The following COL5A1 variants were observed in gnomAD, a reference collection of about 807,000 sequenced individuals.
COL5A1 encodes collagen type V alpha 1 chain.
Under a neutral mutation model 263.7 loss-of-function variants are expected in COL5A1, and 16 were observed. The observed-to-expected ratio is 0.06, with a 90% CI of 0.04 to 0.09. The LOEUF (loss-of-function observed/expected upper bound fraction) is 0.09, where lower values mean the gene tolerates loss of function less well. COL5A1 is among the 10% of genes least tolerant of loss of function. COL5A1 has a pLI of 1.00. For missense variants in COL5A1, 2,036 were observed against 2,540.5 expected, an observed-to-expected ratio of 0.80 and a Z score of 4.27; for synonymous variants, 1,012 against 1,004.5, an observed-to-expected ratio of 1.01 and a Z score of -0.14.
intron 57 of COL5A1, 152 bp from the exon 58 acceptor site, chr9:134,819,964 C>A: frequency 1.4e-6 from 1 of 726,708 alleles, no homozygotes; most frequent in South Asian, 1.5e-5. Context: ...GTCACCTGGC[C>A]CCTCTGTTGA....
chr9:134,703,714 T>C (rs1400500572), intron 4 of COL5A1, among the ~76,000 whole-genome samples: 4 of 134,700 alleles, frequency 3.0e-5, no homozygotes, highest in Admixed American at 2.6e-4. Flanking sequence ...CTCGGCTCAC[T>C]GCAAGCTCTG....
chr9:134,764,231 A>T (rs1223490183), intron 20 of COL5A1, among the ~76,000 whole-genome samples: 9 of 93,780 alleles, frequency 9.6e-5, no homozygotes, highest in African/African-American at 3.4e-4. Context: ...TAGGGGCAAC[A>T]TGGCAGGGTT....
At chr9:134,761,246 A>T (rs535946614) in intron 18 of COL5A1, among the ~76,000 whole-genome samples, 1 of 133,768 alleles carries the variant, frequency 7.5e-6, no homozygotes, top group Non-Finnish European at 1.6e-5. Flanking sequence ...ACCCCCACAC[A>T]CTCCACCCAC....
intron 1 of COL5A1, among the ~76,000 whole-genome samples, chr9:134,688,260 T>C (rs1164541427): frequency 6.6e-6 from 1 of 152,152 alleles, no homozygotes; most frequent in Non-Finnish European, 1.5e-5. Context: ...AGCCTGAGTC[T>C]GGGAAGAGCA....
chr9:134,703,492 A>G (rs998218370), intron 4 of COL5A1, among the ~76,000 whole-genome samples: 1 of 152,214 alleles, frequency 6.6e-6, no homozygotes, highest in Non-Finnish European at 1.5e-5. Flanking sequence ...CATTGGTCAC[A>G]GTAAGGCTAC....
intron 42 of COL5A1, among the ~76,000 whole-genome samples, chr9:134,808,689 CAT>C (rs1491189447): frequency 1.1e-4 from 17 of 152,232 alleles, no homozygotes; most frequent in African/African-American, 2.2e-4. Context: ...CATGTATGCA[CAT>C]GTGTGTGCGT....
At chr9:134,656,185 C>T (rs879694032) in intron 1 of COL5A1, among the ~76,000 whole-genome samples, 3 of 152,084 alleles carry the variant, frequency 2.0e-5, no homozygotes, top group Admixed American at 1.3e-4. Flanking sequence ...CTGGGGCCTG[C>T]GGCTCCTCGT....
At chr9:134,791,046 C>T (rs143376752) in intron 32 of COL5A1, among the ~76,000 whole-genome samples, 2,045 of 152,288 alleles carry the variant, frequency 0.013, 53 homozygotes, top group African/African-American at 0.041. Context: ...GCCTCCCCAC[C>T]GGCGAGCCGA....
intron 4 of COL5A1, chr9:134,709,010 C>T (rs1268938737): frequency 6.6e-6 from 3 of 453,782 alleles, no homozygotes; most frequent in African/African-American, 4.0e-5. Context: ...GGACATTTGT[C>T]GTTGGATTTA....
intron 4 of COL5A1, among the ~76,000 whole-genome samples, chr9:134,723,597 G>A (rs555691614): frequency 1.3e-5 from 2 of 152,326 alleles, no homozygotes; most frequent in East Asian, 3.9e-4. Context: ...GGAGGTGACA[G>A]AAATTTCCCT....
rs1836028576 is a variant in COL5A1, at chr9:134,757,599, G to A, written c.1882-644G>A. ...GTGAGGTGGCCTGGGGTGACAGGAGGAAACGCAGTCTTGTTGACTCTGTCT... is the reference window on the plus strand; with the variant it reads ...GTGAGGTGGCCTGGGGTGACAGGAGAAAACGCAGTCTTGTTGACTCTGTCT... On this transcript the variant is annotated intron_variant, in intron 17 of 65. Coordinates refer to ENST00000371817, the MANE Select transcript of COL5A1 (RefSeq NM_000093.5). This position sits in a 1 kb window ranked among gnomAD's most constrained non-coding sequence, Gnocchi z 6.2. 6.6e-6 allele frequency among the ~76,000 whole-genome samples: 1 copy of A among 152,180 alleles called. No homozygotes were observed. Among genetic ancestry groups the A allele is most frequent in the African/African-American group, 2.4e-5 (1 of 41,448 alleles).
chr9:134,817,001 A>G (rs752930624), intron 52 of COL5A1, 25 bp from the exon 53 acceptor site: 2 of 1,611,682 alleles, frequency 1.2e-6, no homozygotes, highest in South Asian at 2.2e-5. Flanking sequence ...AATTCCTCAC[A>G]CTCTGTTCTT....
At chr9:134,660,790 G>A (rs1202445755) in intron 1 of COL5A1, among the ~76,000 whole-genome samples, 1 of 152,164 alleles carries the variant, frequency 6.6e-6, no homozygotes, top group Non-Finnish European at 1.5e-5. Context: ...CATCTAAGGA[G>A]GCACAGTTTA....
intron 14 of COL5A1, 43 bp from the exon 15 acceptor site, chr9:134,753,788 CCCTTCCTGTGTTCTCGAGT>C: frequency 8.8e-7 from 1 of 1,131,846 alleles, no homozygotes; most frequent in Middle Eastern, 2.6e-4. Flanking sequence ...CCACCCCCAG[CCCTTCCTGTGTTCTCGAGT>C]CCCCACCTCG....
chr9:134,695,960 T>A (rs1391456341), intron 2 of COL5A1, among the ~76,000 whole-genome samples: 1 of 152,130 alleles, frequency 6.6e-6, no homozygotes, highest in East Asian at 1.9e-4. Flanking sequence ...TCTGCAGGGC[T>A]GCCTCGGTGC....
chr9:134,719,686 T>A lies in COL5A1; in HGVS notation c.655-7580T>A, dbSNP rs577935824. 2.0e-5 allele frequency among the ~76,000 whole-genome samples: 3 copies of A among 152,166 alleles called. No homozygotes were observed. In the East Asian group the frequency reaches 5.8e-4, roughly 30 times the overall value. On this transcript the variant is annotated intron_variant, in intron 4 of 65. Transcript: ENST00000371817. ...GGCACATCATGCTCCATATCCTGGG[T>A]GGTGATCGGCCTCTGCCTTTCCAGG...
In COL5A1 at chr9:134,647,706, G is replaced by T. The variant is rs1436349647; in HGVS notation, c.109+5410G>T. ...TCTGCCGCAGGGCAAGCCGGGTCCA[G>T]CTGGATCCGACAATTTCATGTCTTT... is the stretch of plus-strand genomic sequence containing the variant. On this transcript the variant is annotated intron_variant, in intron 1 of 65. Transcript: ENST00000371817. The surrounding 1 kb of genome is among the most constrained non-coding windows in gnomAD (Gnocchi z 5.0). 2.6e-5 allele frequency among the ~76,000 whole-genome samples: 4 copies of T among 152,228 alleles called. No homozygotes were observed. Among genetic ancestry groups the T allele is most frequent in the Non-Finnish European group, 4.4e-5 (3 of 68,038 alleles).
At chr9:134,662,748 A>G (rs1278380518) in intron 1 of COL5A1, among the ~76,000 whole-genome samples, 1 of 152,162 alleles carries the variant, frequency 6.6e-6, no homozygotes, top group Admixed American at 6.5e-5. Flanking sequence ...GACGGCTGCC[A>G]GCTTGGATGG....
At position 134,681,448 on chromosome 9, in the gene COL5A1, A is replaced by G. The variant is rs545823654; in HGVS notation, c.110-9464A>G. Among the ~76,000 whole-genome samples the G allele has an allele frequency of 2.0e-4, 30 of 152,304 alleles. No homozygotes were observed. The highest frequency in any genetic ancestry group is 6.5e-4 in the African/African-American group (27 of 41,578). On this transcript the variant is annotated intron_variant, in intron 1 of 65. Transcript: ENST00000371817. The surrounding 1 kb of genome is among the most constrained non-coding windows in gnomAD (Gnocchi z 4.3). ...CCCGTGGAGGAGACACACGCTGCCC[A>G]TGGAACACACATAGCAGGGATATGG...
Sources: gnomAD v4.1 joint callset for allele counts (sites outside exome capture counted in the v4.1 genomes callset) on GRCh38, gnomAD v4.1.1 for gene constraint, Gnocchi (gnomAD v3.1) non-coding constraint, MANE v1.5 for transcripts, NCBI Gene and HGNC (gene_info 2026-07-23, HGNC 2026-07-21) for gene names.